The following SBF2 variants were observed in gnomAD, a reference collection of about 807,000 sequenced individuals.
The protein encoded by SBF2 is SET binding factor 2.
A neutral mutation model predicts 225.2 loss-of-function variants in SBF2; 112 were observed. The observed-to-expected ratio is 0.50, with a 90% CI of 0.43 to 0.58. The LOEUF (loss-of-function observed/expected upper bound fraction) is 0.58. Among genes scored for constraint, SBF2 ranks in the 20% least tolerant of loss-of-function variants. SBF2 has a pLI of 0.00. For missense variants in SBF2, 1,996 were observed against 2,206.2 expected (o/e 0.90, Z 1.91); for synonymous variants, 763 against 773.3 (o/e 0.99, Z 0.22).
Position 10,213,409 on chromosome 11 carries a change from A to C in SBF2, c.56-19422T>G, listed in dbSNP as rs1323446013. ...AGAACCACTCCTAGCTGCTTCAGCA[A>C]GAACCAAATCTAAAATCTCTCATAG... On this transcript the variant is annotated intron_variant, in intron 1 of 39. Transcript: ENST00000256190. Among the ~76,000 whole-genome samples, 6 of 152,228 alleles carry C rather than the reference A, an allele frequency of 3.9e-5. No individual in the cohort carries two copies. In the South Asian group the frequency reaches 1.2e-3, roughly 31 times the overall value.
At chr11:10,162,316 C>T (rs1037592333) in intron 2 of SBF2, among the ~76,000 whole-genome samples, 1 of 151,898 alleles carries the variant, frequency 6.6e-6, no homozygotes, top group African/African-American at 2.4e-5. Flanking sequence ...ACTAGTGGAA[C>T]TAACCGAAAT....
chr11:10,144,513 T>C (rs529253739), intron 2 of SBF2, among the ~76,000 whole-genome samples: 51 of 148,930 alleles, frequency 3.4e-4, no homozygotes, highest in African/African-American at 1.2e-3. Flanking sequence ...AAAATAAACA[T>C]TAAGGCTGGC....
intron 2 of SBF2, among the ~76,000 whole-genome samples, chr11:10,101,741 G>GA (rs558849812): frequency 5.3e-5 from 8 of 151,420 alleles, no homozygotes; most frequent in Non-Finnish European, 1.2e-4. Flanking sequence ...TTAATTAATA[G>GA]AAAAAAAGGA....
At chr11:9,887,937 T>G (rs1323733373) in intron 17 of SBF2, among the ~76,000 whole-genome samples, 2 of 152,328 alleles carry the variant, frequency 1.3e-5, no homozygotes, top group East Asian at 3.9e-4. Flanking sequence ...AGACCTCTTA[T>G]CATTTACCAA....
intron 1 of SBF2, among the ~76,000 whole-genome samples, chr11:10,227,840 T>C (rs1165491640): frequency 6.6e-6 from 1 of 151,812 alleles, no homozygotes; most frequent in Admixed American, 6.6e-5. Flanking sequence ...TAAAGTAGTT[T>C]TTTCCAATTC....
chr11:9,864,418 G>A (rs1264322924), intron 17 of SBF2, among the ~76,000 whole-genome samples: 2 of 147,788 alleles, frequency 1.4e-5, no homozygotes, highest in East Asian at 1.9e-4. Flanking sequence ...ACATAGTCTC[G>A]CCTTGTGACC....
At chr11:10,094,528 A>ATTTTTTTTGAT (rs1951932423) in intron 2 of SBF2, among the ~76,000 whole-genome samples, 1 of 107,300 alleles carries the variant, frequency 9.3e-6, no homozygotes. Flanking sequence ...ATACACACAG[A>ATTTTTTTTGAT]TTTTTTTTTT....
intron 1 of SBF2, among the ~76,000 whole-genome samples, chr11:10,290,635 T>C (rs951346241): frequency 6.6e-6 from 1 of 152,024 alleles, no homozygotes; most frequent in African/African-American, 2.4e-5. Context: ...AGTAAATACA[T>C]TCAGGATAAC....
chr11:10,167,001 A>G (rs1411951486), intron 2 of SBF2, among the ~76,000 whole-genome samples: 1 of 151,602 alleles, frequency 6.6e-6, no homozygotes, highest in African/African-American at 2.4e-5. Flanking sequence ...AAAGGCTACT[A>G]ATTGAAAAGT....
chr11:10,106,632 T>TA (rs34207805), intron 2 of SBF2, among the ~76,000 whole-genome samples: 37,994 of 126,696 alleles, frequency 0.3, 6,053 homozygotes, highest in South Asian at 0.38. Context: ...CCGACTCAAT[T>TA]AAAAAAAAAA....
At chr11:9,917,391 A>T (rs1469902449) in intron 16 of SBF2, among the ~76,000 whole-genome samples, 7 of 151,452 alleles carry the variant, frequency 4.6e-5, no homozygotes, top group Non-Finnish European at 2.9e-5. Flanking sequence ...AAGTGCAGTG[A>T]CACGGTCTTG....
rs142335645 is a variant in SBF2 at position 9,822,996 on chromosome 11, A to C, written c.3794-5972T>G. On this transcript the variant is annotated intron_variant, in intron 28 of 39. Transcript: ENST00000256190. ...GAGGTTATTTCAAGAATAAAATAATACATGGAGAAAAACTTAAAATGTAAA... is the reference window on the plus strand; with the variant it reads ...GAGGTTATTTCAAGAATAAAATAATCCATGGAGAAAAACTTAAAATGTAAA... Among the ~76,000 whole-genome samples, 317 of 152,338 alleles carry C rather than the reference A, an allele frequency of 2.1e-3. 1 individual carries two copies. The highest frequency in any genetic ancestry group is 7.1e-3 in the African/African-American group (296 of 41,580).
chr11:10,264,252 C>T (rs1232355440), intron 1 of SBF2, among the ~76,000 whole-genome samples: 2 of 152,148 alleles, frequency 1.3e-5, no homozygotes, highest in South Asian at 2.1e-4. Flanking sequence ...CTTCTCTAAT[C>T]CAAATACTCA....
In SBF2 at chr11:9,856,524, T is replaced by A; in HGVS notation, c.2297A>T (p.Asn766Ile). ...NLLVPLDTSK[N>I]KLLRTSAPGD... is the part of the protein sequence containing the mutation. ...TGGCGCTGATGTTCTTAGGAGCTTGTTTTTACTTGTGTCGAGTGGAACTAG... is the reference window on the plus strand; with the variant it reads ...TGGCGCTGATGTTCTTAGGAGCTTGATTTTACTTGTGTCGAGTGGAACTAG... Residue 766 changes from asparagine to isoleucine, a missense_variant, in exon 19 of 40, where the codon AAC becomes ATC. By Grantham distance (149) the Asn-to-Ile change is moderately radical. Transcript: ENST00000256190. 1 of 1,614,148 alleles carries A rather than the reference T, an allele frequency of 6.2e-7. No individual in the cohort carries two copies. Among genetic ancestry groups the A allele is most frequent in the South Asian group, 1.1e-5 (1 of 91,080 alleles).
intron 1 of SBF2, among the ~76,000 whole-genome samples, chr11:10,198,696 G>C (rs566306248): frequency 6.6e-6 from 1 of 152,312 alleles, no homozygotes; most frequent in South Asian, 2.1e-4. Flanking sequence ...TGTTACTGTA[G>C]TGTGGCTGCC....
At chr11:10,129,559 G>C (rs2135089387) in intron 2 of SBF2, among the ~76,000 whole-genome samples, 1 of 152,230 alleles carries the variant, frequency 6.6e-6, no homozygotes, top group South Asian at 2.1e-4. Flanking sequence ...CTTTAATTTT[G>C]TTGAAAGCAA....
At chr11:10,225,413 A>G (rs1958501572) in intron 1 of SBF2, among the ~76,000 whole-genome samples, 1 of 152,050 alleles carries the variant, frequency 6.6e-6, no homozygotes, top group Non-Finnish European at 1.5e-5. Context: ...TCCTATTAAA[A>G]AAAAAAACCC....
intron 29 of SBF2, 104 bp downstream of exon 29, chr11:9,816,736 T>A: frequency 9.1e-7 from 1 of 1,094,074 alleles, no homozygotes; most frequent in Non-Finnish European, 1.3e-6. Context: ...AGGTTAAGAA[T>A]CATGCTGTAA....
At chr11:10,234,176 T>C (rs1958969530) in intron 1 of SBF2, among the ~76,000 whole-genome samples, 1 of 152,214 alleles carries the variant, frequency 6.6e-6, no homozygotes, top group South Asian at 2.1e-4. Flanking sequence ...TTTAAAAATA[T>C]GGATAAGCTA....
Sources: allele counts gnomAD v4.1 joint callset (sites outside exome capture counted in the v4.1 genomes callset), GRCh38; gene constraint gnomAD v4.1.1; transcripts MANE v1.5; gene names NCBI Gene and HGNC (gene_info 2026-07-23, HGNC 2026-07-21).